Variants in NDUFAF6 observed in about 807,000 individuals in gnomAD.
NDUFAF6 encodes the protein NADH:ubiquinone oxidoreductase complex assembly factor 6.
A neutral mutation model predicts 40.8 loss-of-function variants in NDUFAF6; 45 were observed. The observed-to-expected ratio is 1.10, with a 90% CI of 0.87 to 1.42. The LOEUF is 1.42. Ranked by LOEUF, NDUFAF6 falls within the 40% of genes most tolerant of loss-of-function variation. NDUFAF6 has a pLI of 0.00. For missense variants in NDUFAF6, 435 were observed against 418.5 expected (o/e 1.04, Z -0.34); for synonymous variants, 185 against 155.9 (o/e 1.19, Z -1.39).
In NDUFAF6 at chr8:95,112,628, C is replaced by T. The variant is rs1443031126; in HGVS notation, n.345-2908C>T. 2.0e-5 allele frequency among the ~76,000 whole-genome samples: 3 copies of T among 152,200 alleles called. No individual in the cohort carries two copies. In the East Asian group the frequency reaches 5.8e-4, roughly 29 times the overall value. ...AACCAACACAACAATCTTCCCTACA[C>T]TCCTCTGTTACACCATAAACCATTA... On this transcript the variant is annotated intron_variant and non_coding_transcript_variant, in intron 4 of 5. Transcript: ENST00000523184.
chr8:95,008,809 A>C (rs1827111102), intron 2 of NDUFAF6, among the ~76,000 whole-genome samples: 1 of 152,192 alleles, frequency 6.6e-6, no homozygotes, highest in African/African-American at 2.4e-5. Flanking sequence ...GTGCCTGGCT[A>C]AACTGTTTGT....
At chr8:94,940,265 T>C in intron 1 of NDUFAF6, 1 of 1,541,864 alleles carries the variant, frequency 6.5e-7, no homozygotes. Context: ...TGTTGAAGAG[T>C]CCCACAGGAG....
chr8:94,993,320 C>A (rs1826274066), intron 2 of NDUFAF6, among the ~76,000 whole-genome samples: 1 of 152,218 alleles, frequency 6.6e-6, no homozygotes, highest in South Asian at 2.1e-4. Flanking sequence ...AGGACTTCAA[C>A]ATATGTGTTG....
At chr8:95,026,818 C>G (rs1182363106) in intron 1 of NDUFAF6, among the ~76,000 whole-genome samples, 1 of 152,130 alleles carries the variant, frequency 6.6e-6, no homozygotes, top group Non-Finnish European at 1.5e-5. Flanking sequence ...GAAGCCTAGG[C>G]AGAAGGGTTG....
At chr8:95,073,286 A>G (rs534535387) in intron 9 of NDUFAF6, 15 of 152,354 alleles carry the variant, frequency 9.8e-5, no homozygotes, top group African/African-American at 3.6e-4. Flanking sequence ...CCTGAGGCCA[A>G]AGCGGGTCTC....
intron 2 of NDUFAF6, among the ~76,000 whole-genome samples, chr8:94,998,880 GT>G (rs1434145173): frequency 6.6e-6 from 1 of 152,296 alleles, no homozygotes; most frequent in African/African-American, 2.4e-5. Flanking sequence ...ACAGCCTGGT[GT>G]TTTGGGGAAT....
intron 2 of NDUFAF6, among the ~76,000 whole-genome samples, chr8:95,033,689 C>T (rs1018142509): frequency 5.9e-5 from 9 of 152,194 alleles, no homozygotes; most frequent in South Asian, 2.1e-4. Context: ...AGAAACCTCA[C>T]GGAGAAGGTG....
intron 1 of NDUFAF6, chr8:94,930,464 C>G (rs759326688): frequency 7.4e-6 from 12 of 1,612,786 alleles, no homozygotes; most frequent in Non-Finnish European, 9.3e-6. Context: ...AACCAACCAA[C>G]AAAACTTGAA....
chr8:95,097,310 A>G (rs1267542418), upstream of NDUFAF6, among the ~76,000 whole-genome samples: 1 of 152,264 alleles, frequency 6.6e-6, no homozygotes, highest in African/African-American at 2.4e-5. Flanking sequence ...TCATGTAGCA[A>G]AAGTACACCC....
At chr8:95,011,756 C>G (rs1400518525) in intron 2 of NDUFAF6, among the ~76,000 whole-genome samples, 1 of 152,146 alleles carries the variant, frequency 6.6e-6, no homozygotes, top group Non-Finnish European at 1.5e-5. Flanking sequence ...AGACACCACC[C>G]CTTGCCTCTA....
At chr8:95,081,774 C>T (rs1808875955) in intron 2 of NDUFAF6, among the ~76,000 whole-genome samples, 1 of 152,124 alleles carries the variant, frequency 6.6e-6, no homozygotes, top group South Asian at 2.1e-4. Flanking sequence ...TTAAGAACTC[C>T]TGTTGGGCCG....
intron 3 of NDUFAF6, among the ~76,000 whole-genome samples, chr8:95,035,834 A>C (rs1023451649): frequency 1.3e-4 from 20 of 152,360 alleles, no homozygotes; most frequent in African/African-American, 3.8e-4. Context: ...TATTTTCCAC[A>C]TTTCCATATT....
downstream of NDUFAF6, among the ~76,000 whole-genome samples, chr8:95,118,274 C>T (rs1286000163): frequency 6.6e-6 from 1 of 152,196 alleles, no homozygotes; most frequent in Non-Finnish European, 1.5e-5. Context: ...ACAAGCTACC[C>T]CTGGATGTCC....
At chr8:94,909,797 T>TAA (rs1818649691) in intron 1 of NDUFAF6, among the ~76,000 whole-genome samples, 1 of 145,554 alleles carries the variant, frequency 6.9e-6, no homozygotes, top group Non-Finnish European at 1.5e-5. Context: ...TGTATATATA[T>TAA]ACACATATAT....
At chr8:95,075,826 TCTC>T (rs1833007231) in exon 10 of NDUFAF6, 1 of 554,804 alleles carries the variant, frequency 1.8e-6, no homozygotes, top group Non-Finnish European at 3.0e-6. Context: ...CGCACACACT[TCTC>T]CTTGCGCTAT....
At chr8:95,045,705 A>G (rs1830669116) in intron 5 of NDUFAF6, 58 bp downstream of exon 5, 1 of 1,403,126 alleles carries the variant, frequency 7.1e-7, no homozygotes, top group Non-Finnish European at 1.0e-6. Context: ...ATGAGATTTC[A>G]CTTTTTCATA....
downstream of NDUFAF6, among the ~76,000 whole-genome samples, chr8:95,118,389 G>A (rs1056217536): frequency 5.3e-5 from 8 of 152,306 alleles, 1 homozygote; most frequent in Non-Finnish European, 1.5e-5. Flanking sequence ...GCAATGAGTA[G>A]CATATGTCAC....
At chr8:95,088,331 G>T (rs980652443) in intron 2 of NDUFAF6, among the ~76,000 whole-genome samples, 9 of 152,158 alleles carry the variant, frequency 5.9e-5, no homozygotes, top group Non-Finnish European at 1.0e-4. Context: ...TGTCCACTCT[G>T]GATTCTTTCC....
rs886394425 is a variant in NDUFAF6 at position 95,028,140 on chromosome 8, C to T, written c.197+2935C>T. On this transcript the variant is annotated intron_variant, in intron 1 of 8. Transcript: ENST00000396124. ...CTAACACACAACAATCCTAATACCCCGTGTGCTTGTTTCTTATATGTCTGT... is the reference window on the plus strand; with the variant it reads ...CTAACACACAACAATCCTAATACCCTGTGTGCTTGTTTCTTATATGTCTGT... Among the ~76,000 whole-genome samples the T allele has an allele frequency of 3.3e-5, 5 of 152,312 alleles. No individual in the cohort carries two copies. The East Asian group carries it at 5.8e-4, about 18-fold the overall frequency.
Sources: allele counts gnomAD v4.1 joint callset (sites outside exome capture counted in the v4.1 genomes callset), GRCh38; gene constraint gnomAD v4.1.1; transcripts MANE v1.5; gene names NCBI Gene and HGNC (gene_info 2026-07-23, HGNC 2026-07-21).